ZBTB33: variants seen among roughly 807,000 people sequenced by gnomAD.
The protein encoded by ZBTB33 is zinc finger and BTB domain containing 33, also known as transcriptional regulator Kaiso.
Under a neutral mutation model 25.9 loss-of-function variants are expected in ZBTB33, and 11 were observed. That is an observed-to-expected ratio of 0.42 (90% CI 0.27 to 0.70). The LOEUF (loss-of-function observed/expected upper bound fraction) is 0.70. ZBTB33 is among the 30% of genes least tolerant of loss of function. The pLI is 0.23. For missense variants in ZBTB33, 343 were observed against 501.1 expected, an observed-to-expected ratio of 0.68 and a Z score of 3.01; for synonymous variants, 157 against 184.8, an observed-to-expected ratio of 0.85 and a Z score of 1.22.
Position 120,254,521 on chromosome X carries a change from G to T in ZBTB33, c.1106G>T (p.Gly369Val), listed in dbSNP as rs1355901927. 8.3e-7 allele frequency: 1 copy of T among 1,209,992 alleles called. No homozygotes were observed. The highest frequency in any genetic ancestry group is 1.1e-6 in the Non-Finnish European group (1 of 895,225). Residue 369 changes from glycine to valine, a missense_variant, in exon 3 of 3, where the codon GGA becomes GTA. Gly to Val is a moderately radical substitution (Grantham distance 109). This residue lies in a region of ZBTB33 where 304 missense variants were observed against 410.0 expected (regional missense o/e 0.74). Coordinates refer to ENST00000557385, the MANE Select transcript of ZBTB33 (RefSeq NM_001184742.2). ...ADTSQNTSFD[G>V]SLIQKMQIPT... Reference sequence around the variant, plus strand: ...ACCTCCCAAAATACCAGTTTTGATGGATCATTAATACAGAAGATGCAGATT... The same window carrying T: ...ACCTCCCAAAATACCAGTTTTGATGTATCATTAATACAGAAGATGCAGATT...
rs1335975989 is a variant in ZBTB33, at chrX:120,254,362, C to G, written c.947C>G (p.Pro316Arg). The G allele has an allele frequency of 1.2e-5, 14 of 1,209,510 alleles. No homozygotes were observed. Among genetic ancestry groups the G allele is most frequent in the African/African-American group, 1.8e-5 (1 of 56,954 alleles). The part of the protein sequence containing the change: ...INLLVQNQQT[P>R]NSAILTGNKA... The stretch of plus-strand genomic sequence containing the variant: ...TTACTTGTGCAGAATCAGCAGACAC[C>G]AAACAGTGCTATTTTAACAGGAAAC... The change falls in exon 3 of 3, where the codon CCA becomes CGA. Residue 316 changes from proline (P) to arginine (R), a missense_variant. Transcript: ENST00000557385.
Position 120,253,842 on chromosome X carries a change from G to A in ZBTB33, c.427G>A (p.Gly143Ser), listed in dbSNP as rs1038433335. 6 of 1,211,134 alleles carry A rather than the reference G, an allele frequency of 5.0e-6. 1 individual carries two copies. In the East Asian group the frequency reaches 1.8e-4, roughly 36 times the overall value. Residue 143 changes from glycine (G) to serine (S), a missense_variant, in exon 3 of 3, where the codon GGT (glycine) becomes AGT (serine). Coordinates refer to ENST00000557385, the MANE Select transcript of ZBTB33 (RefSeq NM_001184742.2). ...GNTEPLPPDS[G>S]DKNLVIQKSK... Reference sequence around the variant, plus strand: ...TACTGAGCCTTTACCTCCTGATTCTGGTGACAAGAACCTTGTAATACAGAA... The same window carrying A: ...TACTGAGCCTTTACCTCCTGATTCTAGTGACAAGAACCTTGTAATACAGAA...
In ZBTB33 at chrX:120,255,696, G is replaced by T; in HGVS notation, c.*262G>T. The T allele has an allele frequency of 3.3e-6, 1 of 299,533 alleles. No individual in the cohort carries two copies. The highest frequency in any genetic ancestry group is 6.0e-6 in the Non-Finnish European group (1 of 165,784). 24.7% of individuals were successfully genotyped at this position (299,533 alleles called of 1,213,427 possible). A position where few individuals can be genotyped will look rare whatever the true frequency, so the allele number is the denominator to read the frequency against. On this transcript the variant is annotated 3_prime_UTR_variant, in exon 3 of 3. Transcript: ENST00000557385. ...GAGGCAAAAATTAAAAGCTTGGAGA[G>T]ATAGTTTCCTGAATAGAATTTGAAG...
At position 120,256,802 on chromosome X, in the gene ZBTB33, T is replaced by G. The variant is rs782280380; in HGVS notation, c.*1368T>G. The G allele has an allele frequency of 9.0e-5, 11 of 121,958 alleles. No individual in the cohort carries two copies. The South Asian group carries it at 4.2e-3, about 47-fold the overall frequency. 10.1% of individuals were successfully genotyped at this position (121,958 alleles called of 1,213,427 possible). ...GTCTGTAAATGATTTTTTTTTTTTTTGCAAAGGAAAAAATTGATACTGGAA... is the reference window on the plus strand; with the variant it reads ...GTCTGTAAATGATTTTTTTTTTTTTGGCAAAGGAAAAAATTGATACTGGAA... On this transcript the variant is annotated 3_prime_UTR_variant, in exon 3 of 3. Coordinates refer to ENST00000557385, the MANE Select transcript of ZBTB33 (RefSeq NM_001184742.2).
intron 1 of ZBTB33, among the ~76,000 whole-genome samples, chrX:120,252,280 A>G (rs1024708195): frequency 9.0e-6 from 1 of 111,300 alleles, no homozygotes; most frequent in Non-Finnish European, 1.9e-5. Context: ...CACTAAAAGT[A>G]CTTGTCAACT....
At position 120,253,661 on chromosome X, in the gene ZBTB33, C is replaced by T; in HGVS notation, c.246C>T (p.Leu82=). The part of the protein sequence containing the change: ...FIRAEIFAEI[L]NYIYSSKIVR... The stretch of plus-strand genomic sequence containing the variant: ...GAGCAGAGATCTTTGCAGAAATTCT[C>T]AATTATATCTATAGTTCTAAAATTG... Residue 82 remains leucine, a synonymous_variant, in exon 3 of 3, where the codon CTC becomes CTT. Coordinates refer to ENST00000557385, the MANE Select transcript of ZBTB33 (RefSeq NM_001184742.2). 10 of 1,211,748 alleles carry T rather than the reference C, an allele frequency of 8.3e-6. No homozygotes were observed. Among genetic ancestry groups the T allele is most frequent in the Non-Finnish European group, 1.1e-5 (10 of 895,438 alleles).
In ZBTB33 at chrX:120,256,421, A is replaced by G. The variant is rs1232339655; in HGVS notation, c.*987A>G. 7 of 122,403 alleles carry G rather than the reference A, an allele frequency of 5.7e-5. No individual in the cohort carries two copies. Among genetic ancestry groups the G allele is most frequent in the African/African-American group, 2.3e-4 (7 of 30,565 alleles). The allele number at this position is 122,403 out of a possible 1,213,427, so 10.1% of individuals were successfully genotyped here. On this transcript the variant is annotated 3_prime_UTR_variant, in exon 3 of 3. Transcript: ENST00000557385. ...CTGGCATATATTTTTAAATGTTCAT[A>G]TTGCGTAGAATCTCCACTAGGAAGT...
chrX:120,254,160 C>T lies in ZBTB33; in HGVS notation c.745C>T (p.Leu249Phe). 1 of 1,211,532 alleles carries T rather than the reference C, an allele frequency of 8.3e-7. No individual in the cohort carries two copies. The highest frequency in any genetic ancestry group is 1.8e-5 in the South Asian group (1 of 56,969). Residue 249 changes from leucine (L) to phenylalanine (F), a missense_variant, in exon 3 of 3, where the codon CTT (leucine) becomes TTT (phenylalanine). Leu to Phe is a conservative substitution (Grantham distance 22). This residue lies in a region of ZBTB33 where 304 missense variants were observed against 410.0 expected (regional missense o/e 0.74). Coordinates refer to ENST00000557385, the MANE Select transcript of ZBTB33 (RefSeq NM_001184742.2). ...PLTNITPTQK[L>F]PTPVNQATLS... ...AACAAATATCACACCTACTCAGAAACTTCCTACTCCTGTGAATCAGGCAAC... is the reference window on the plus strand; with the variant it reads ...AACAAATATCACACCTACTCAGAAATTTCCTACTCCTGTGAATCAGGCAAC...
In ZBTB33 at chrX:120,255,368, A is replaced by C; in HGVS notation, c.1953A>C (p.Ser651=). The part of the protein sequence containing the change: ...EDIFIQQEND[S]IFKQNVTDGS... ...TTTTTATTCAGCAGGAAAATGATTC[A>C]ATTTTTAAACAAAATGTAACAGATG... The change falls in exon 3 of 3, where the codon TCA becomes TCC. Residue 651 remains serine, a synonymous_variant. Coordinates refer to ENST00000557385, the MANE Select transcript of ZBTB33 (RefSeq NM_001184742.2). The C allele has an allele frequency of 1.7e-6, 2 of 1,211,434 alleles. No individual in the cohort carries two copies. Among genetic ancestry groups the C allele is most frequent in the Non-Finnish European group, 2.2e-6 (2 of 895,138 alleles).
At position 120,256,344 on chromosome X, in the gene ZBTB33, G is replaced by A. The variant is rs1441219540; in HGVS notation, c.*910G>A. The A allele has an allele frequency of 8.2e-6, 1 of 122,660 alleles. No individual in the cohort carries two copies. Among genetic ancestry groups the A allele is most frequent in the African/African-American group, 3.3e-5 (1 of 30,681 alleles). The allele number at this position is 122,660 out of a possible 1,213,427, so 10.1% of individuals were successfully genotyped here. The stretch of plus-strand genomic sequence containing the variant: ...AATGTATCTTTATGTATAAATCCTT[G>A]TAAATGATAGATTCCATGGGTGAGA... On this transcript the variant is annotated 3_prime_UTR_variant, in exon 3 of 3. Transcript: ENST00000557385.
intron 1 of ZBTB33, among the ~76,000 whole-genome samples, 176 bp from the exon 2 acceptor site, chrX:120,252,493 T>A (rs2057606792): frequency 8.9e-6 from 1 of 111,984 alleles, no homozygotes. Flanking sequence ...TCTAGAGTAG[T>A]CTATTCCAAT....
chrX:120,251,399 C>CG (rs1365452659), intron 1 of ZBTB33, among the ~76,000 whole-genome samples: 3 of 102,258 alleles, frequency 2.9e-5, no homozygotes. Flanking sequence ...TTCGCTTCAT[C>CG]CCCCCCCCAA....
rs781824519 is a variant in ZBTB33 at position 120,254,699 on chromosome X, G to A, written c.1284G>A (p.Ser428=). 3.3e-6 allele frequency: 4 copies of A among 1,210,239 alleles called. No homozygotes were observed. Among genetic ancestry groups the A allele is most frequent in the Admixed American group, 2.2e-5 (1 of 45,831 alleles). ...CAGCTACTGAAATTGAAGGCTTATCGACTGGTTGCAAGGTTTATGCAAATA... is the reference window on the plus strand; with the variant it reads ...CAGCTACTGAAATTGAAGGCTTATCAACTGGTTGCAAGGTTTATGCAAATA... The part of the protein sequence containing the change: ...LDTATEIEGL[S]TGCKVYANIG... The change falls in exon 3 of 3, where the codon TCG becomes TCA. Residue 428 remains serine (S), a synonymous_variant. Transcript: ENST00000557385.
rs1459679555 is a variant in ZBTB33, at chrX:120,255,876, G to C, written c.*442G>C. 1 of 127,761 alleles carries C rather than the reference G, an allele frequency of 7.8e-6. No homozygotes were observed. Among genetic ancestry groups the C allele is most frequent in the African/African-American group, 3.2e-5 (1 of 30,851 alleles). 10.5% of individuals were successfully genotyped at this position (127,761 alleles called of 1,213,427 possible). ...TGTTTTGTCTTGTATATGGCATAAAGAGTAAATAAGTTTTAGAGTTGTTCT... is the reference window on the plus strand; with the variant it reads ...TGTTTTGTCTTGTATATGGCATAAACAGTAAATAAGTTTTAGAGTTGTTCT... On this transcript the variant is annotated 3_prime_UTR_variant, in exon 3 of 3. Coordinates refer to ENST00000557385, the MANE Select transcript of ZBTB33 (RefSeq NM_001184742.2).
Position 120,256,561 on chromosome X carries a change from T to G in ZBTB33, c.*1127T>G, listed in dbSNP as rs782807099. The G allele has an allele frequency of 1.3e-3, 155 of 122,904 alleles. No individual in the cohort carries two copies. The highest frequency in any genetic ancestry group is 2.2e-3 in the Non-Finnish European group (118 of 53,079). 10.1% of individuals were successfully genotyped at this position (122,904 alleles called of 1,213,427 possible). A position where few individuals can be genotyped will look rare whatever the true frequency, so the allele number is the denominator to read the frequency against. ...CCATCTGCAAATTGCTGCAATATTA[T>G]AGTAATCAGAAACTACATAAGGAAT... On this transcript the variant is annotated 3_prime_UTR_variant, in exon 3 of 3. Transcript: ENST00000557385.
At position 120,256,863 on chromosome X, in the gene ZBTB33, C is replaced by T. The variant is rs2057641700; in HGVS notation, c.*1429C>T. 8.2e-6 allele frequency: 1 copy of T among 121,241 alleles called. No homozygotes were observed. Among genetic ancestry groups the T allele is most frequent in the Non-Finnish European group, 1.9e-5 (1 of 52,747 alleles). The allele number at this position is 121,241 out of a possible 1,213,427, so 10.0% of individuals were successfully genotyped here. On this transcript the variant is annotated 3_prime_UTR_variant, in exon 3 of 3. Coordinates refer to ENST00000557385, the MANE Select transcript of ZBTB33 (RefSeq NM_001184742.2). ...TGCATAGTTATTAGTCATTTGTAAC[C>T]TTGCTTAAGTATTTCTTAGTCCAAC...
chrX:120,253,453 A>C lies in ZBTB33; in HGVS notation c.38A>C (p.Gln13Pro), dbSNP rs782147054. 2 of 1,211,682 alleles carry C rather than the reference A, an allele frequency of 1.7e-6. No individual in the cohort carries two copies. The highest frequency in any genetic ancestry group is 2.2e-6 in the Non-Finnish European group (2 of 895,396). ...AAACTGATTTCTGCTACAGACATTC[A>C]GTACTCTGGCAGTCTGCTGAACTCC... is the stretch of plus-strand genomic sequence containing the variant. ...SRKLISATDIQYSGSLLNSLN... is the reference protein window; with the variant it reads ...SRKLISATDIPYSGSLLNSLN... Residue 13 changes from glutamine (Q) to proline (P), a missense_variant, in exon 3 of 3, where the codon CAG becomes CCG. Physicochemically the swap from Gln to Pro is moderately conservative, Grantham distance 76. Transcript: ENST00000557385.
chrX:120,251,749 A>G (rs2057602167), intron 1 of ZBTB33, among the ~76,000 whole-genome samples: 1 of 112,224 alleles, frequency 8.9e-6, no homozygotes, highest in South Asian at 3.7e-4. Context: ...GTCGAATCGC[A>G]TATCTTCGGA....
In ZBTB33 at chrX:120,254,983, C is replaced by T; in HGVS notation, c.1568C>T (p.Pro523Leu). ...ATTCATTCTTGGGAGAAGAAGTATC[C>T]GTGCCGTTACTGTGAGAAGGTATTT... ...FNIHSWEKKY[P>L]CRYCEKVFPL... is the part of the protein sequence containing the mutation. The change falls in exon 3 of 3, where the codon CCG (proline) becomes CTG (leucine). Residue 523 changes from proline to leucine, a missense_variant. Pro to Leu is a moderately conservative substitution (Grantham distance 98, BLOSUM62 -3). Around this residue, in one of 2 missense-constraint regions of ZBTB33, gnomAD observed 304 missense variants for 410.0 expected, o/e 0.74. Coordinates refer to ENST00000557385, the MANE Select transcript of ZBTB33 (RefSeq NM_001184742.2). 3.3e-6 allele frequency: 4 copies of T among 1,211,669 alleles called. No individual in the cohort carries two copies. The highest frequency in any genetic ancestry group is 2.2e-5 in the Admixed American group (1 of 46,025).
Sources: gnomAD v4.1 joint callset for allele counts (sites outside exome capture counted in the v4.1 genomes callset) on GRCh38, gnomAD v4.1.1 for gene constraint, gnomAD v4.1.1 regional missense constraint, MANE v1.5 for transcripts, NCBI Gene and HGNC (gene_info 2026-07-23, HGNC 2026-07-21) for gene names.